MRPL58: variants seen among roughly 807,000 people sequenced by gnomAD.
MRPL58 encodes large ribosomal subunit protein mL62.
In MRPL58, 17 loss-of-function variants were observed where a neutral mutation model predicts 26.0. The observed-to-expected ratio is 0.65, with a 90% confidence interval of 0.45 to 0.98. MRPL58 has a LOEUF of 0.98. Among genes scored for constraint, MRPL58 ranks in the 50% least tolerant of loss-of-function variants. The pLI is 0.00. For missense variants in MRPL58, 250 were observed against 269.0 expected, an observed-to-expected ratio of 0.93 and a Z score of 0.49; for synonymous variants, 100 against 99.7, an observed-to-expected ratio of 1.00 and a Z score of -0.02.
intron 1 of MRPL58, among the ~76,000 whole-genome samples, chr17:75,016,037 G>A (rs1176828023): frequency 3.1e-5 from 2 of 64,782 alleles, no homozygotes; most frequent in East Asian, 1.2e-3. Flanking sequence ...CACCCGTCTC[G>A]GCCTCCCAAA....
In MRPL58 at chr17:75,012,811, TCTA is replaced by T; in HGVS notation, c.127_129del (p.Tyr43del). On this transcript the variant is annotated inframe_deletion, in exon 1 of 6. Coordinates refer to ENST00000301585, the MANE Select transcript of MRPL58 (RefSeq NM_001545.3). Reference sequence around the variant, plus strand: ...AAAGACGGCACTGAGTTCAAGAGCATCTACAGCCTGGACAAGCTCTACCCCGAA... The same window carrying T: ...AAAGACGGCACTGAGTTCAAGAGCATCAGCCTGGACAAGCTCTACCCCGAA... 1 of 1,612,164 alleles carries T rather than the reference TCTA, an allele frequency of 6.2e-7. No individual in the cohort carries two copies. The highest frequency in any genetic ancestry group is 8.5e-7 in the Non-Finnish European group (1 of 1,179,608).
At chr17:75,016,582 G>A (rs1354981231) in intron 1 of MRPL58, among the ~76,000 whole-genome samples, 1 of 152,124 alleles carries the variant, frequency 6.6e-6, no homozygotes, top group Non-Finnish European at 1.5e-5. Flanking sequence ...AAGAGAGAGA[G>A]AGACATGGAG....
At chr17:75,014,084 C>G (rs1168000049) in intron 1 of MRPL58, among the ~76,000 whole-genome samples, 1 of 151,406 alleles carries the variant, frequency 6.6e-6, no homozygotes, top group African/African-American at 2.4e-5. Context: ...GAGAATTGGT[C>G]AGATCCTAGA....
chr17:75,017,672 C>T (rs567621027), intron 2 of MRPL58, among the ~76,000 whole-genome samples: 8 of 151,828 alleles, frequency 5.3e-5, no homozygotes, highest in South Asian at 2.1e-4. Flanking sequence ...TGCTTGAACC[C>T]GGAAGGCAGA....
chr17:75,019,916 G>A (rs1022410242), intron 3 of MRPL58, among the ~76,000 whole-genome samples, 157 bp downstream of exon 3: 3 of 152,088 alleles, frequency 2.0e-5, no homozygotes, highest in Non-Finnish European at 4.4e-5. Flanking sequence ...TTTGAATGTG[G>A]TCTGATTCTC....
chr17:75,018,302 G>T (rs902099173), intron 2 of MRPL58, among the ~76,000 whole-genome samples: 3 of 151,730 alleles, frequency 2.0e-5, no homozygotes, highest in African/African-American at 7.3e-5. Context: ...CCCGATCTCG[G>T]CTCACTGCAA....
intron 1 of MRPL58, 45 bp from the exon 2 acceptor site, chr17:75,017,033 C>G (rs1456005706): frequency 6.6e-7 from 1 of 1,506,180 alleles, no homozygotes; most frequent in South Asian, 1.1e-5. Context: ...TTAGGAGTCA[C>G]CCAGCAGGTA....
intron 1 of MRPL58, among the ~76,000 whole-genome samples, chr17:75,016,288 C>T (rs528162321): frequency 7.9e-5 from 12 of 151,052 alleles, no homozygotes; most frequent in East Asian, 3.9e-4. Context: ...TGGTGGCATG[C>T]GCCTGTAATC....
chr17:75,014,700 G>C (rs71380854), intron 1 of MRPL58, among the ~76,000 whole-genome samples: 1 of 151,642 alleles, frequency 6.6e-6, no homozygotes, highest in Non-Finnish European at 1.5e-5. Flanking sequence ...GCTCGCCTCA[G>C]CCTCCCAAAG....
intron 1 of MRPL58, among the ~76,000 whole-genome samples, chr17:75,014,232 C>T (rs1326241525): frequency 8.0e-6 from 1 of 125,508 alleles, no homozygotes; most frequent in Non-Finnish European, 1.6e-5. Context: ...GTCGCCCAGG[C>T]TGGAGTGCAG....
At chr17:75,019,640 G>A in intron 2 of MRPL58, 60 bp from the exon 3 acceptor site, 2 of 1,499,194 alleles carry the variant, frequency 1.3e-6, no homozygotes, top group East Asian at 4.5e-5. Flanking sequence ...GACACAACAA[G>A]ACTGCTTTTC....
chr17:75,020,258 T>A, intron 3 of MRPL58, 55 bp from the exon 4 acceptor site: 1 of 1,382,500 alleles, frequency 7.2e-7, no homozygotes, highest in East Asian at 2.3e-5. Context: ...ACCCAGGGGT[T>A]GATCCTTCCT....
chr17:75,021,068 T>G lies in MRPL58; in HGVS notation c.*63T>G, dbSNP rs550349215. The G allele has an allele frequency of 9.8e-7, 1 of 1,024,278 alleles. No homozygotes were observed. The highest frequency in any genetic ancestry group is 1.7e-5 in the Admixed American group (1 of 57,918). The allele number at this position is 1,024,278 out of a possible 1,614,324, so 63.4% of individuals were successfully genotyped here. A position where few individuals can be genotyped will look rare whatever the true frequency, so the allele number is the denominator to read the frequency against. On this transcript the variant is annotated 3_prime_UTR_variant, in exon 6 of 6. Transcript: ENST00000301585. ...CCGGGCAGCTGCAGCTGAGAGGACT[T>G]TCACACCATAAGGAGATTTCTGTTT...
At chr17:75,017,475 G>T (rs112027390) in intron 2 of MRPL58, among the ~76,000 whole-genome samples, 1 of 152,104 alleles carries the variant, frequency 6.6e-6, no homozygotes, top group East Asian at 1.9e-4. Flanking sequence ...TAGGCCAGGC[G>T]CAGTGGCTCA....
chr17:75,020,475 T>C lies in MRPL58; in HGVS notation c.367-13T>C. ...ACTCTGTAGGACTCCAGTTTTTCAT[T>C]TGTTCTCTGCAGCATAAAAACAAGA... On this transcript the variant is annotated splice_polypyrimidine_tract_variant and intron_variant, in intron 4 of 5. Transcript: ENST00000301585. 6.2e-7 allele frequency: 1 copy of C among 1,613,812 alleles called. No homozygotes were observed. Among genetic ancestry groups the C allele is most frequent in the Non-Finnish European group, 8.5e-7 (1 of 1,179,712 alleles).
At chr17:75,013,027 G>C (rs537359098) in intron 1 of MRPL58, among the ~76,000 whole-genome samples, 155 bp downstream of exon 1, 4 of 152,168 alleles carry the variant, frequency 2.6e-5, no homozygotes, top group Non-Finnish European at 5.9e-5. Flanking sequence ...ACCTGGCCGG[G>C]AGTGGGGTGC....
chr17:75,021,084 A>G lies in MRPL58; in HGVS notation c.*79A>G. The G allele has an allele frequency of 1.1e-6, 1 of 906,322 alleles. No homozygotes were observed. Among genetic ancestry groups the G allele is most frequent in the African/African-American group, 1.7e-5 (1 of 60,184 alleles). The allele number at this position is 906,322 out of a possible 1,614,324, so 56.1% of individuals were successfully genotyped here. ...GAGAGGACTTTCACACCATAAGGAG[A>G]TTTCTGTTTTTCTTTTTGGCTGTTA... On this transcript the variant is annotated 3_prime_UTR_variant, in exon 6 of 6. Coordinates refer to ENST00000301585, the MANE Select transcript of MRPL58 (RefSeq NM_001545.3).
intron 1 of MRPL58, among the ~76,000 whole-genome samples, chr17:75,015,408 C>T (rs2039965856): frequency 1.3e-5 from 2 of 152,324 alleles, no homozygotes; most frequent in South Asian, 4.1e-4. Flanking sequence ...CGCTTGAACC[C>T]AGGAGGCAGA....
At chr17:75,018,405 G>A (rs1353474203) in intron 2 of MRPL58, among the ~76,000 whole-genome samples, 1 of 151,774 alleles carries the variant, frequency 6.6e-6, no homozygotes, top group Non-Finnish European at 1.5e-5. Flanking sequence ...CTAATTTTTT[G>A]TATTTTTTAG....
Sources: gnomAD v4.1 joint callset for allele counts (sites outside exome capture counted in the v4.1 genomes callset) on GRCh38, gnomAD v4.1.1 for gene constraint, MANE v1.5 for transcripts, NCBI Gene and HGNC (gene_info 2026-07-23, HGNC 2026-07-21) for gene names.